CCDC102B: variants seen among roughly 807,000 people sequenced by gnomAD.
CCDC102B encodes coiled-coil domain-containing protein 102B.
CCDC102B carries 75 observed loss-of-function variants against 57.4 expected under a neutral mutation model. That is an observed-to-expected ratio of 1.31 (90% CI 1.08 to 1.58). The LOEUF is 1.58. Ranked by LOEUF, CCDC102B falls within the 40% of genes most tolerant of loss-of-function variation. CCDC102B has a pLI of 0.00. For synonymous variants in CCDC102B, 206 were observed against 201.9 expected (o/e 1.02, Z -0.17); for missense variants, 636 against 582.6 (o/e 1.09, Z -0.94).
chr18:68,886,435 TAACAGCAACAA>T (rs2039886772), intron 5 of CCDC102B, among the ~76,000 whole-genome samples: 1 of 94,742 alleles, frequency 1.1e-5, no homozygotes, highest in African/African-American at 4.2e-5. Context: ...ATTTGGATAT[TAACAGCAACAA>T]AAAAGTGATC....
chr18:68,732,198 G>A (rs1227332660), intron 2 of CCDC102B, among the ~76,000 whole-genome samples: 1 of 151,702 alleles, frequency 6.6e-6, no homozygotes, highest in Non-Finnish European at 1.5e-5. Flanking sequence ...TGGAAGCACA[G>A]GGCTTTTCTT....
At chr18:68,836,478 A>AT (rs2037369984) in intron 1 of CCDC102B, among the ~76,000 whole-genome samples, 1 of 151,992 alleles carries the variant, frequency 6.6e-6, no homozygotes, top group South Asian at 2.1e-4. Flanking sequence ...AATACAAAAA[A>AT]TTATCTGGGC....
At chr18:69,056,636 A>AATAG (rs71176933), downstream of CCDC102B, among the ~76,000 whole-genome samples, 3,820 of 121,992 alleles carry the variant, frequency 0.031, 129 homozygotes, top group African/African-American at 0.086. Flanking sequence ...ATAGATAGAT[A>AATAG]ATAGATAGAT....
rs141909811 is a variant in CCDC102B at position 69,005,780 on chromosome 18, C to T, written c.1264-5154C>T. 2.0e-5 allele frequency among the ~76,000 whole-genome samples: 3 copies of T among 151,520 alleles called. No individual in the cohort carries two copies. The East Asian group carries it at 5.9e-4, about 30-fold the overall frequency. ...AAACTGATTCAATCTATTTGAGAAA[C>T]TAATACTGTATTACTCTATTAAAAT... On this transcript the variant is annotated intron_variant, in intron 6 of 7. Transcript: ENST00000360242.
chr18:68,857,947 G>C (rs1482999774), intron 4 of CCDC102B, among the ~76,000 whole-genome samples: 1 of 152,116 alleles, frequency 6.6e-6, no homozygotes, highest in African/African-American at 2.4e-5. Context: ...GTGTACCTCA[G>C]TTTAAGGTAT....
intron 2 of CCDC102B, chr18:68,720,941 C>T (rs2032291688): frequency 6.6e-6 from 1 of 152,172 alleles, no homozygotes; most frequent in African/African-American, 2.4e-5. Context: ...GCATGTTGGT[C>T]TGTCTACTAG....
chr18:68,944,389 A>G (rs1012497152), intron 6 of CCDC102B, among the ~76,000 whole-genome samples: 1 of 152,128 alleles, frequency 6.6e-6, no homozygotes, highest in Non-Finnish European at 1.5e-5. Context: ...AAAACAACAG[A>G]AATATATTTC....
intron 2 of CCDC102B, among the ~76,000 whole-genome samples, chr18:68,720,232 A>G (rs1176977595): frequency 6.6e-6 from 1 of 152,214 alleles, no homozygotes; most frequent in Non-Finnish European, 1.5e-5. Flanking sequence ...TGTTTTGCTA[A>G]ATTTCTTGCA....
chr18:68,795,656 T>G (rs952175330), upstream of CCDC102B, among the ~76,000 whole-genome samples: 2 of 152,172 alleles, frequency 1.3e-5, no homozygotes, highest in Non-Finnish European at 2.9e-5. Flanking sequence ...CCTCTTCTTA[T>G]GAGGATACAA....
intron 2 of CCDC102B, among the ~76,000 whole-genome samples, chr18:68,745,109 C>T (rs745863806): frequency 2.0e-5 from 3 of 152,068 alleles, no homozygotes; most frequent in Non-Finnish European, 4.4e-5. Flanking sequence ...CAGTTACTCC[C>T]CACAGAGGTA....
intron 6 of CCDC102B, among the ~76,000 whole-genome samples, chr18:68,989,465 A>C (rs2050807232): frequency 6.6e-6 from 1 of 152,228 alleles, no homozygotes; most frequent in Non-Finnish European, 1.5e-5. Context: ...TACCTTGAAC[A>C]AGTTATTTTT....
chr18:68,727,692 A>G (rs2145196495), intron 2 of CCDC102B, among the ~76,000 whole-genome samples: 1 of 152,326 alleles, frequency 6.6e-6, no homozygotes, highest in East Asian at 1.9e-4. Context: ...TTTACAGGTG[A>G]CAATTCCAGA....
chr18:68,944,436 C>T (rs2145178051), intron 6 of CCDC102B, among the ~76,000 whole-genome samples: 1 of 152,112 alleles, frequency 6.6e-6, no homozygotes, highest in African/African-American at 2.4e-5. Flanking sequence ...GTCCAAGATC[C>T]AGTAGCTAGA....
chr18:68,755,921 C>A (rs550927660), intron 2 of CCDC102B, among the ~76,000 whole-genome samples: 438 of 151,628 alleles, frequency 2.9e-3, no homozygotes, highest in Non-Finnish European at 4.9e-3. Flanking sequence ...ATTTCACATA[C>A]TGTTCTAAAT....
At chr18:68,736,519 C>G (rs1323274679) in intron 2 of CCDC102B, among the ~76,000 whole-genome samples, 1 of 152,262 alleles carries the variant, frequency 6.6e-6, no homozygotes, top group East Asian at 1.9e-4. Flanking sequence ...TCATTGTGTT[C>G]TAATATGAGA....
intron 2 of CCDC102B, among the ~76,000 whole-genome samples, chr18:68,791,253 G>A (rs1003426146): frequency 1.3e-5 from 2 of 152,064 alleles, no homozygotes; most frequent in African/African-American, 4.8e-5. Context: ...TAAAATTAAT[G>A]TTTTTGTTAA....
intron 1 of CCDC102B, among the ~76,000 whole-genome samples, chr18:68,802,940 G>A (rs2035906107): frequency 6.6e-6 from 1 of 152,018 alleles, no homozygotes; most frequent in African/African-American, 2.4e-5. Context: ...AAGTATTTCT[G>A]GCCAAATAAA....
chr18:68,785,105 A>G (rs2035153148), intron 2 of CCDC102B, among the ~76,000 whole-genome samples: 1 of 151,520 alleles, frequency 6.6e-6, no homozygotes, highest in African/African-American at 2.4e-5. Flanking sequence ...GCGATAGTTC[A>G]CTGAGAATGA....
At chr18:69,011,330 G>A (rs2145394142) in intron 7 of CCDC102B, 1 of 473,266 alleles carries the variant, frequency 2.1e-6, no homozygotes, top group Non-Finnish European at 3.7e-6. Flanking sequence ...TATAGTGTCA[G>A]TACTTCAGCA....
Sources: gnomAD v4.1 joint callset for allele counts (sites outside exome capture counted in the v4.1 genomes callset) on GRCh38, gnomAD v4.1.1 for gene constraint, MANE v1.5 for transcripts, NCBI Gene and HGNC (gene_info 2026-07-23, HGNC 2026-07-21) for gene names.